SHROOM3: variants seen among roughly 807,000 people sequenced by gnomAD.
SHROOM3 encodes the protein shroom family member 3.
A neutral mutation model predicts 138.6 loss-of-function variants in SHROOM3; 47 were observed. The ratio of observed to expected loss-of-function variants is 0.34; its 90% CI spans 0.27 to 0.43. The LOEUF (loss-of-function observed/expected upper bound fraction) is 0.43. Ranked by LOEUF, SHROOM3 falls within the 20% of genes least tolerant of loss-of-function variation. The probability of loss-of-function intolerance (pLI) is 1.00; values close to 1 mark genes in which losing one functional copy is unlikely to be tolerated. For missense variants in SHROOM3, 2,491 were observed against 2,596.5 expected (o/e 0.96, Z 0.88); for synonymous variants, 1,062 against 1,063.3 (o/e 1.00, Z 0.02).
intron 2 of SHROOM3, among the ~76,000 whole-genome samples, chr4:76,706,207 C>T (rs533806254): frequency 1.6e-4 from 24 of 152,114 alleles, no homozygotes; most frequent in Non-Finnish European, 3.4e-4. Context: ...CTCTACCTCC[C>T]GGGTTCAAGT....
intron 2 of SHROOM3, among the ~76,000 whole-genome samples, chr4:76,668,019 C>G (rs1215189022): frequency 7.0e-6 from 1 of 142,602 alleles, no homozygotes; most frequent in Non-Finnish European, 1.5e-5. Flanking sequence ...ACGCAGGGTG[C>G]GGGGAGGGAG....
At chr4:76,693,370 GTTTT>G (rs10648549) in intron 2 of SHROOM3, among the ~76,000 whole-genome samples, 10 of 79,810 alleles carry the variant, frequency 1.3e-4, no homozygotes, top group African/African-American at 5.1e-4. Context: ...TGATAAGTTT[GTTTT>G]TTTTTTTTTT....
At chr4:76,716,347 C>T (rs767935178) in intron 3 of SHROOM3, 22 of 518,850 alleles carry the variant, frequency 4.2e-5, no homozygotes, top group Admixed American at 1.2e-4. Flanking sequence ...TTTTATTCCA[C>T]GACTGAATAT....
intron 1 of SHROOM3, among the ~76,000 whole-genome samples, chr4:76,478,038 A>G (rs1388827367): frequency 2.0e-5 from 3 of 152,176 alleles, no homozygotes; most frequent in Admixed American, 6.5e-5. Flanking sequence ...TTCAAGCACA[A>G]AACTGGGCGG....
rs1235749275 is a variant in SHROOM3, at chr4:76,613,348, A to G, written c.323+57585A>G. 2.0e-5 allele frequency among the ~76,000 whole-genome samples: 3 copies of G among 152,200 alleles called. 1 individual carries two copies. The highest frequency in any genetic ancestry group is 2.0e-4 in the Admixed American group (3 of 15,276). On this transcript the variant is annotated intron_variant, in intron 2 of 10. Coordinates refer to ENST00000296043, the MANE Select transcript of SHROOM3 (RefSeq NM_020859.4). ...AGTCCTCAACACTCCACCTTCAATAATTGCTGTCCATACTCATAGCCAAGA... is the reference window on the plus strand; with the variant it reads ...AGTCCTCAACACTCCACCTTCAATAGTTGCTGTCCATACTCATAGCCAAGA...
intron 1 of SHROOM3, among the ~76,000 whole-genome samples, chr4:76,524,055 C>T (rs1371191400): frequency 4.6e-5 from 7 of 152,206 alleles, no homozygotes; most frequent in East Asian, 1.9e-4. Flanking sequence ...GTGGGACAAG[C>T]GGACAAGCCA....
intron 9 of SHROOM3, among the ~76,000 whole-genome samples, chr4:76,764,950 C>T (rs528200110): frequency 6.6e-6 from 1 of 152,238 alleles, no homozygotes; most frequent in South Asian, 2.1e-4. Context: ...CCCTCCAGGA[C>T]TTTAGTGACT....
At chr4:76,771,229 T>C (rs1403980027) in intron 10 of SHROOM3, among the ~76,000 whole-genome samples, 3 of 151,932 alleles carry the variant, frequency 2.0e-5, no homozygotes, top group Non-Finnish European at 4.4e-5. Context: ...AATACAAAAA[T>C]TAGCCAGGCA....
chr4:76,476,652 G>C (rs1731490659), intron 1 of SHROOM3, among the ~76,000 whole-genome samples: 1 of 152,214 alleles, frequency 6.6e-6, no homozygotes, highest in South Asian at 2.1e-4. Flanking sequence ...GATATTTGCT[G>C]TGTGTAATTT....
intron 1 of SHROOM3, among the ~76,000 whole-genome samples, chr4:76,521,396 T>C (rs1043409511): frequency 6.6e-6 from 1 of 152,230 alleles, no homozygotes; most frequent in Non-Finnish European, 1.5e-5. Flanking sequence ...TAGCTAACTC[T>C]GGAAACTGGT....
At chr4:76,777,357 T>C (rs1485093285) in intron 10 of SHROOM3, among the ~76,000 whole-genome samples, 2 of 152,222 alleles carry the variant, frequency 1.3e-5, no homozygotes, top group East Asian at 3.8e-4. Context: ...TTTTTGCAGC[T>C]ATTGTGAAAG....
chr4:76,769,250 GTA>G (rs1178655508), intron 9 of SHROOM3, among the ~76,000 whole-genome samples: 2 of 148,944 alleles, frequency 1.3e-5, no homozygotes, highest in Non-Finnish European at 3.0e-5. Flanking sequence ...GCGTGTGTGT[GTA>G]TATACACACA....
At chr4:76,580,511 G>A (rs1373953232) in intron 2 of SHROOM3, among the ~76,000 whole-genome samples, 3 of 147,678 alleles carry the variant, frequency 2.0e-5, no homozygotes, top group Admixed American at 6.8e-5. Flanking sequence ...GGAGTGTAAC[G>A]GCGTGATCTT....
At position 76,739,519 on chromosome 4, in the gene SHROOM3, A is replaced by C. The variant is rs572629061; in HGVS notation, c.1346A>C (p.Lys449Thr). The change falls in exon 5 of 11, where the codon AAG becomes ACG. Residue 449 changes from lysine (K) to threonine (T), a missense_variant. Physicochemically the swap from Lys to Thr is moderately conservative, Grantham distance 78 (BLOSUM62 -1). Transcript: ENST00000296043. ...GAGAACAGCCCCCCAGTGAAGCCCA[A>C]GCATAACTATACCCAGAAGGCCCAA... ...SPENSPPVKP[K>T]HNYTQKAQPG... 1.4e-4 allele frequency: 227 copies of C among 1,613,996 alleles called. No individual in the cohort carries two copies. The Admixed American group carries it at 3.7e-3, about 27-fold the overall frequency.
chr4:76,555,979 T>G lies in SHROOM3; in HGVS notation c.323+216T>G, dbSNP rs372223110. Among the ~76,000 whole-genome samples the G allele has an allele frequency of 9.7e-4, 147 of 152,286 alleles. 1 individual carries two copies. Among genetic ancestry groups the G allele is most frequent in the African/African-American group, 3.4e-3 (141 of 41,558 alleles). On this transcript the variant is annotated intron_variant, in intron 2 of 10. Transcript: ENST00000296043. ...CAGACACTGCTGTCTTTCAGAACAC[T>G]CATTTCCCAGCAGGTACTGGTTTGT... is the stretch of plus-strand genomic sequence containing the variant.
At chr4:76,679,038 T>C (rs1251767403) in intron 2 of SHROOM3, among the ~76,000 whole-genome samples, 2 of 152,244 alleles carry the variant, frequency 1.3e-5, no homozygotes, top group Admixed American at 1.3e-4. Flanking sequence ...TTGGTGTATT[T>C]GATGATTCTC....
intron 9 of SHROOM3, among the ~76,000 whole-genome samples, chr4:76,763,323 G>A (rs1037951708): frequency 6.6e-6 from 1 of 152,032 alleles, no homozygotes; most frequent in African/African-American, 2.4e-5. Flanking sequence ...GGAGGCAGAG[G>A]TTGCAGTGAG....
At chr4:76,498,304 T>C (rs1732012170) in intron 1 of SHROOM3, among the ~76,000 whole-genome samples, 1 of 152,218 alleles carries the variant, frequency 6.6e-6, no homozygotes, top group South Asian at 2.1e-4. Context: ...TTCCTAGAAC[T>C]GGACTGAGGC....
intron 1 of SHROOM3, among the ~76,000 whole-genome samples, chr4:76,547,086 G>A (rs1446576677): frequency 1.3e-5 from 2 of 152,218 alleles, no homozygotes; most frequent in Non-Finnish European, 2.9e-5. Flanking sequence ...ATGCTGTTAA[G>A]CCTGTAAACC....
Sources: allele counts gnomAD v4.1 joint callset (sites outside exome capture counted in the v4.1 genomes callset), GRCh38; gene constraint gnomAD v4.1.1; transcripts MANE v1.5; gene names NCBI Gene and HGNC (gene_info 2026-07-23, HGNC 2026-07-21).